The following FHIP1A variants were observed in gnomAD, a reference collection of about 807,000 sequenced individuals.
FHIP1A encodes the protein FHF complex subunit HOOK interacting protein 1A.
FHIP1A carries 61 observed loss-of-function variants against 88.6 expected under a neutral mutation model. That is an observed-to-expected ratio of 0.69 (90% CI 0.56 to 0.85). The LOEUF (loss-of-function observed/expected upper bound fraction) is 0.85, where lower values mean the gene tolerates loss of function less well. FHIP1A is among the 40% of genes least tolerant of loss of function. FHIP1A has a pLI of 0.00. For synonymous variants in FHIP1A, 478 were observed against 496.0 expected (o/e 0.96, Z 0.48); for missense variants, 1,154 against 1,273.5 (o/e 0.91, Z 1.43).
At chr4:151,531,469 T>C (rs1347433703) in intron 3 of FHIP1A, among the ~76,000 whole-genome samples, 1 of 151,536 alleles carries the variant, frequency 6.6e-6, no homozygotes, top group African/African-American at 2.4e-5. Flanking sequence ...GCCTTGATTT[T>C]TGTAGAATCC....
chr4:151,491,022 G>A (rs181772926), intron 3 of FHIP1A, among the ~76,000 whole-genome samples: 6 of 152,006 alleles, frequency 3.9e-5, no homozygotes, highest in African/African-American at 1.2e-4. Context: ...ATAATAATTG[G>A]TATTCCTAAG....
chr4:151,644,791 C>T (rs983938731), intron 9 of FHIP1A, among the ~76,000 whole-genome samples: 6 of 152,142 alleles, frequency 3.9e-5, no homozygotes, highest in Non-Finnish European at 5.9e-5. Context: ...ACCTGCTGCC[C>T]CTGTTCCTGC....
intron 3 of FHIP1A, among the ~76,000 whole-genome samples, chr4:151,564,486 G>C (rs1733302024): frequency 2.0e-5 from 3 of 152,194 alleles, no homozygotes; most frequent in African/African-American, 7.2e-5. Context: ...AGATCACAGG[G>C]AGTGGCAGGG....
chr4:151,658,159 C>T (rs1448055675), intron 13 of FHIP1A, among the ~76,000 whole-genome samples: 1 of 152,244 alleles, frequency 6.6e-6, no homozygotes, highest in African/African-American at 2.4e-5. Flanking sequence ...CCTCCTTAGA[C>T]ACATGGGTGG....
chr4:151,541,393 A>G (rs896375157), intron 3 of FHIP1A, among the ~76,000 whole-genome samples: 1 of 152,212 alleles, frequency 6.6e-6, no homozygotes, highest in African/African-American at 2.4e-5. Context: ...TAGCCACTGC[A>G]TATACATTTT....
chr4:151,642,776 T>C lies in FHIP1A; in HGVS notation c.1227-3782T>C, dbSNP rs1331352895. On this transcript the variant is annotated intron_variant, in intron 9 of 13. Coordinates refer to ENST00000435205, the MANE Select transcript of FHIP1A (RefSeq NM_001109977.3). ...TAGAAGTGATGATGGTTTAATTTAA[T>C]GACCGATATCCAAGAAAATAAGAAA... is the stretch of plus-strand genomic sequence containing the variant. Among the ~76,000 whole-genome samples the C allele has an allele frequency of 2.6e-5, 4 of 151,976 alleles. No homozygotes were observed. The East Asian group carries it at 5.8e-4, about 22-fold the overall frequency.
At position 151,425,835 on chromosome 4, in the gene FHIP1A, A is replaced by G. The variant is rs183592738; in HGVS notation, c.-356+16370A>G. ...TTCTCCTCTACATGTGTCCCTGTCT[A>G]ATTTCTTTCTGCCTTGCTCTTATAA... On this transcript the variant is annotated intron_variant, in intron 1 of 13. Coordinates refer to ENST00000435205, the MANE Select transcript of FHIP1A (RefSeq NM_001109977.3). 1.1e-4 allele frequency among the ~76,000 whole-genome samples: 16 copies of G among 152,136 alleles called. No individual in the cohort carries two copies. The East Asian group carries it at 2.9e-3, about 28-fold the overall frequency.
At chr4:151,472,565 A>G (rs1729559711) in intron 2 of FHIP1A, among the ~76,000 whole-genome samples, 1 of 150,442 alleles carries the variant, frequency 6.6e-6, no homozygotes, top group Non-Finnish European at 1.5e-5. Flanking sequence ...TGTTTATTAC[A>G]CTTTCCTCTT....
intron 1 of FHIP1A, 139 bp downstream of exon 1, chr4:151,409,604 A>C (rs150863979): frequency 3.3e-5 from 5 of 152,690 alleles, no homozygotes; most frequent in Non-Finnish European, 7.3e-5. Context: ...CTGAGGGAGC[A>C]GGCATTGGGC....
chr4:151,602,083 C>T (rs561561498), intron 7 of FHIP1A, among the ~76,000 whole-genome samples: 2 of 152,178 alleles, frequency 1.3e-5, no homozygotes, highest in Non-Finnish European at 2.9e-5. Context: ...ATTTACCTCC[C>T]ACTGTGTCCT....
At chr4:151,413,233 C>T (rs1219555335) in intron 1 of FHIP1A, among the ~76,000 whole-genome samples, 2 of 151,952 alleles carry the variant, frequency 1.3e-5, no homozygotes, top group Non-Finnish European at 2.9e-5. Flanking sequence ...GGAATTTTGG[C>T]AATGTCTAAA....
chr4:151,523,648 A>C (rs1482406716), intron 3 of FHIP1A, among the ~76,000 whole-genome samples: 1 of 152,202 alleles, frequency 6.6e-6, no homozygotes. Flanking sequence ...CCTTGCCCTC[A>C]GAGGTTAGAC....
At chr4:151,569,792 C>A (rs1434741443) in intron 4 of FHIP1A, among the ~76,000 whole-genome samples, 1 of 152,160 alleles carries the variant, frequency 6.6e-6, no homozygotes, top group Non-Finnish European at 1.5e-5. Flanking sequence ...AACCAGCCAT[C>A]ATCCAAGCAG....
chr4:151,484,663 G>A (rs1730016153), intron 3 of FHIP1A, among the ~76,000 whole-genome samples: 1 of 152,204 alleles, frequency 6.6e-6, no homozygotes. Flanking sequence ...TGCAAAATGT[G>A]TATGATAGTC....
rs1243681287 is a variant in FHIP1A at position 151,577,609 on chromosome 4, C to T, written c.265C>T (p.Leu89=). The part of the protein sequence containing the change: ...QAKDAAMGPI[L]EFVVSENIME... ...CAAAGATGCTGCAATGGGGCCGATT[C>T]TGGAATTTGTGGTCTCTGAGAACAT... Residue 89 remains leucine (L), a synonymous_variant, in exon 5 of 14, where the codon CTG becomes TTG. Transcript: ENST00000435205. The T allele has an allele frequency of 1.9e-6, 3 of 1,551,778 alleles. No homozygotes were observed. The African/African-American group carries it at 4.1e-5, about 21-fold the overall frequency.
chr4:151,498,611 C>T (rs1443533763), intron 3 of FHIP1A, among the ~76,000 whole-genome samples: 3 of 152,042 alleles, frequency 2.0e-5, no homozygotes, highest in African/African-American at 4.8e-5. Flanking sequence ...GTCAGGAGAT[C>T]GAGACCATCC....
chr4:151,546,361 C>T (rs911117610), intron 3 of FHIP1A, among the ~76,000 whole-genome samples: 1 of 152,196 alleles, frequency 6.6e-6, no homozygotes, highest in African/African-American at 2.4e-5. Context: ...CTGAGCCACA[C>T]TACCGGCATC....
In FHIP1A at chr4:151,629,820, A is replaced by C; in HGVS notation, c.1097A>C (p.Asn366Thr). The change falls in exon 8 of 14, where the codon AAT (asparagine) becomes ACT (threonine). Residue 366 changes from asparagine (N) to threonine (T), a missense_variant. Coordinates refer to ENST00000435205, the MANE Select transcript of FHIP1A (RefSeq NM_001109977.3). ...LRFILLHQHE[N>T]VHILDTLTSR... ...TTTATCCTATTGCACCAGCACGAGA[A>C]TGTCCACATCCTAGACACTCTCACG... is the stretch of plus-strand genomic sequence containing the variant. The C allele has an allele frequency of 1.9e-6, 3 of 1,551,412 alleles. No homozygotes were observed. The South Asian group carries it at 3.6e-5, about 18-fold the overall frequency.
At chr4:151,555,831 G>A (rs1200512744) in intron 3 of FHIP1A, among the ~76,000 whole-genome samples, 1 of 152,104 alleles carries the variant, frequency 6.6e-6, no homozygotes. Context: ...TCAAATCAAC[G>A]AGTAATTATG....
Sources: allele counts gnomAD v4.1 joint callset (sites outside exome capture counted in the v4.1 genomes callset), GRCh38; gene constraint gnomAD v4.1.1; transcripts MANE v1.5; gene names NCBI Gene and HGNC (gene_info 2026-07-23, HGNC 2026-07-21).